MMP2: variants seen among roughly 807,000 people sequenced by gnomAD.
MMP2 encodes matrix metallopeptidase 2, also known as 72 kDa type IV collagenase.
In MMP2, 39 loss-of-function variants were observed where a neutral mutation model predicts 74.8. The ratio of observed to expected loss-of-function variants is 0.52; its 90% CI spans 0.40 to 0.68. The LOEUF is 0.68. Among genes scored for constraint, MMP2 ranks in the 30% least tolerant of loss-of-function variants. MMP2 has a pLI of 0.00. For synonymous variants in MMP2, 367 were observed against 339.8 expected (o/e 1.08, Z -0.88); for missense variants, 803 against 878.3 (o/e 0.91, Z 1.08).
intron 1 of MMP2, 146 bp downstream of exon 1, chr16:55,479,778 C>A: frequency 1.0e-6 from 1 of 1,002,856 alleles, no homozygotes; most frequent in Non-Finnish European, 1.5e-6. Flanking sequence ...CTTTGGCAAG[C>A]TATTGGAGTG....
intron 12 of MMP2, among the ~76,000 whole-genome samples, chr16:55,504,259 A>T (rs1043837187): frequency 6.6e-6 from 1 of 152,086 alleles, no homozygotes; most frequent in Non-Finnish European, 1.5e-5. Flanking sequence ...GACTTTTTGG[A>T]TGTTTACATG....
intron 12 of MMP2, among the ~76,000 whole-genome samples, chr16:55,503,188 G>A (rs1200081460): frequency 6.6e-6 from 1 of 152,200 alleles, no homozygotes; most frequent in Non-Finnish European, 1.5e-5. Flanking sequence ...TCTGTGCCGT[G>A]GATTCATTCT....
chr16:55,503,061 C>G (rs1199522467), intron 12 of MMP2, among the ~76,000 whole-genome samples, 173 bp downstream of exon 12: 1 of 152,212 alleles, frequency 6.6e-6, no homozygotes, highest in Non-Finnish European at 1.5e-5. Flanking sequence ...TCCCTGACCT[C>G]TGCTCCTTGG....
rs1232984573 is a variant in MMP2, at chr16:55,483,102, A to G, written c.347A>G (p.Lys116Arg). The change falls in exon 2 of 13, where the codon AAG (lysine) becomes AGG (arginine). Residue 116 changes from lysine (K) to arginine (R), a missense_variant. Around this residue, in one of 3 missense-constraint regions of MMP2, gnomAD observed 223 missense variants for 232.8 expected, o/e 0.96. Coordinates refer to ENST00000219070, the MANE Select transcript of MMP2 (RefSeq NM_004530.6). ...GCCAACTACAACTTCTTCCCTCGCA[A>G]GCCCAAGTGGGACAAGAACCAGATC... ...DVANYNFFPR[K>R]PKWDKNQITY... 4 of 1,614,080 alleles carry G rather than the reference A, an allele frequency of 2.5e-6. No individual in the cohort carries two copies. Among genetic ancestry groups the G allele is most frequent in the African/African-American group, 1.3e-5 (1 of 75,026 alleles).
At chr16:55,491,488 G>C (rs1426538179) in intron 7 of MMP2, among the ~76,000 whole-genome samples, 1 of 152,112 alleles carries the variant, frequency 6.6e-6, no homozygotes, top group East Asian at 1.9e-4. Flanking sequence ...AAAATGAATG[G>C]GGTTTTAAGT....
chr16:55,491,004 C>T (rs959599758), intron 7 of MMP2, among the ~76,000 whole-genome samples: 4 of 151,936 alleles, frequency 2.6e-5, no homozygotes, highest in South Asian at 4.2e-4. Flanking sequence ...CTGAAGGATG[C>T]GTCACTCCAG....
At chr16:55,486,346 C>CGTGTGTGTGTGTGTGTGTGTGTGTGTGT (rs1555491716) in intron 5 of MMP2, among the ~76,000 whole-genome samples, 1 of 43,724 alleles carries the variant, frequency 2.3e-5, no homozygotes, top group African/African-American at 6.6e-5. Context: ...TGTGTGTGTG[C>CGTGTGTGTGTGTGTGTGTGTGTGTGTGT]CTGTGTGTGT....
Position 55,488,597 on chromosome 16 carries a change from G to T in MMP2, c.887G>T (p.Arg296Leu). 6.2e-7 allele frequency: 1 copy of T among 1,613,874 alleles called. No homozygotes were observed. The highest frequency in any genetic ancestry group is 8.5e-7 in the Non-Finnish European group (1 of 1,179,950). ...AEGQPCKFPF[R>L]FQGTSYDSCT... ...GGACAGCCCTGCAAGTTTCCATTCC[G>T]CTTCCAGGGCACATCCTATGACAGC... Residue 296 changes from arginine to leucine, a missense_variant, in exon 6 of 13, where the codon CGC (arginine) becomes CTC (leucine). Around this residue, in one of 3 missense-constraint regions of MMP2, gnomAD observed 555 missense variants for 592.0 expected, o/e 0.94. Transcript: ENST00000219070.
At chr16:55,504,178 G>C (rs1962738988) in intron 12 of MMP2, among the ~76,000 whole-genome samples, 1 of 151,968 alleles carries the variant, frequency 6.6e-6, no homozygotes, top group African/African-American at 2.4e-5. Context: ...AATGGGGCCT[G>C]GTGTTGTTAG....
intron 9 of MMP2, among the ~76,000 whole-genome samples, chr16:55,493,547 G>C (rs1329853505): frequency 6.6e-6 from 1 of 152,194 alleles, no homozygotes; most frequent in Non-Finnish European, 1.5e-5. Flanking sequence ...GTTCAGGTGT[G>C]CTCTGCCTGT....
chr16:55,481,342 T>C (rs1003520472), intron 1 of MMP2, among the ~76,000 whole-genome samples: 5 of 152,052 alleles, frequency 3.3e-5, no homozygotes, highest in Non-Finnish European at 5.9e-5. Flanking sequence ...ACAGCGCTGG[T>C]GGGAGTGTCT....
chr16:55,501,765 G>A (rs146875689), intron 11 of MMP2, among the ~76,000 whole-genome samples: 1 of 152,094 alleles, frequency 6.6e-6, no homozygotes, highest in East Asian at 1.9e-4. Flanking sequence ...GAAAGGAAGG[G>A]AGCCCCCTAG....
At position 55,502,881 on chromosome 16, in the gene MMP2, G is replaced by C. The variant is rs1962705031; in HGVS notation, c.1872G>C (p.Gln624His). 1 of 1,613,308 alleles carries C rather than the reference G, an allele frequency of 6.2e-7. No homozygotes were observed. Among genetic ancestry groups the C allele is most frequent in the Non-Finnish European group, 8.5e-7 (1 of 1,179,890 alleles). The change falls in exon 12 of 13, where the codon CAG (glutamine) becomes CAC (histidine). Residue 624 changes from glutamine (Q) to histidine (H), a missense_variant. Around this residue, in one of 3 missense-constraint regions of MMP2, gnomAD observed 555 missense variants for 592.0 expected, o/e 0.94. Transcript: ENST00000219070. ...ACCTGGATGCCGTCGTGGACCTGCA[G>C]GGCGGCGGTGAGCCACCCAGGACTG... is the stretch of plus-strand genomic sequence containing the variant. ...PDNLDAVVDL[Q>H]GGGHSYFFKG...
At chr16:55,488,787 C>T (rs1724549418) in intron 6 of MMP2, 71 bp downstream of exon 6, 1 of 1,477,266 alleles carries the variant, frequency 6.8e-7, no homozygotes, top group African/African-American at 1.4e-5. Flanking sequence ...ACCCATAAGA[C>T]TCCGAGTGCC....
At chr16:55,501,394 C>T (rs1291207871) in intron 11 of MMP2, among the ~76,000 whole-genome samples, 1 of 152,224 alleles carries the variant, frequency 6.6e-6, no homozygotes, top group Non-Finnish European at 1.5e-5. Flanking sequence ...TGACTTCTGC[C>T]ATCCCCACCT....
At chr16:55,496,737 G>A (rs1219267755) in intron 9 of MMP2, among the ~76,000 whole-genome samples, 189 bp from the exon 10 acceptor site, 3 of 152,172 alleles carry the variant, frequency 2.0e-5, no homozygotes, top group Non-Finnish European at 4.4e-5. Context: ...ATGTTTCTCA[G>A]CTCCAGCAGA....
Position 55,493,151 on chromosome 16 carries a change from T to C in MMP2, c.1337-7T>C, listed in dbSNP as rs17859942. 2.1e-3 allele frequency: 3,382 copies of C among 1,613,282 alleles called. 65 individuals are homozygous for C. In the African/African-American group the frequency reaches 0.04, roughly 19 times the overall value. ...GCAGAGAGTCTAAGGTCAGGTGTTC[T>C]CCCCAGGGGCCTCTCCTGACATTGA... On this transcript the variant is annotated splice_region_variant and splice_polypyrimidine_tract_variant and intron_variant, in intron 8 of 12. Coordinates refer to ENST00000219070, the MANE Select transcript of MMP2 (RefSeq NM_004530.6).
intron 11 of MMP2, among the ~76,000 whole-genome samples, chr16:55,500,022 A>G (rs1962626269): frequency 7.0e-6 from 1 of 142,702 alleles, no homozygotes; most frequent in Non-Finnish European, 1.5e-5. Flanking sequence ...CCTCCCCACT[A>G]CTCTGCCCCC....
At position 55,488,537 on chromosome 16, in the gene MMP2, C is replaced by G; in HGVS notation, c.833-6C>G. The G allele has an allele frequency of 6.2e-7, 1 of 1,613,532 alleles. No homozygotes were observed. Among genetic ancestry groups the G allele is most frequent in the Non-Finnish European group, 8.5e-7 (1 of 1,179,852 alleles). ...TCACATCCTTCCCTCTCTCCCCCAC[C>G]CTTAGCCCTGTTCACCATGGGCGGC... On this transcript the variant is annotated splice_region_variant and splice_polypyrimidine_tract_variant and intron_variant, in intron 5 of 12. Transcript: ENST00000219070.
Sources: gnomAD v4.1 joint callset for allele counts (sites outside exome capture counted in the v4.1 genomes callset) on GRCh38, gnomAD v4.1.1 for gene constraint, gnomAD v4.1.1 regional missense constraint, MANE v1.5 for transcripts, NCBI Gene and HGNC (gene_info 2026-07-23, HGNC 2026-07-21) for gene names.